Variants in TMEM201 observed in about 807,000 individuals in gnomAD.
The protein encoded by TMEM201 is RP13-15M17.2.
A neutral mutation model predicts 63.4 loss-of-function variants in TMEM201; 26 were observed. The ratio of observed to expected loss-of-function variants is 0.41; its 90% CI spans 0.30 to 0.57. The LOEUF (loss-of-function observed/expected upper bound fraction) is 0.57. Ranked by LOEUF, TMEM201 falls within the 20% of genes least tolerant of loss-of-function variation. TMEM201 has a pLI of 0.29. For missense variants in TMEM201, 794 were observed against 917.7 expected, an observed-to-expected ratio of 0.87 and a Z score of 1.74; for synonymous variants, 417 against 421.6, an observed-to-expected ratio of 0.99 and a Z score of 0.14.
Position 9,607,471 on chromosome 1 carries a change from G to T in TMEM201, c.1161-86G>T, listed in dbSNP as rs917765962. The T allele has an allele frequency of 2.8e-6, 3 of 1,063,440 alleles. No homozygotes were observed. The highest frequency in any genetic ancestry group is 4.1e-6 in the Non-Finnish European group (3 of 739,874). The allele number at this position is 1,063,440 out of a possible 1,614,324, so 65.9% of individuals were successfully genotyped here. On this transcript the variant is annotated intron_variant, in intron 6 of 10. Transcript: ENST00000340381. The surrounding 1 kb of genome is among the most constrained non-coding windows in gnomAD (Gnocchi z 5.4). ...AGCTGAGGCCCCCACCTTGCACTGT[G>T]GGAGAGGGGTGGGACCCACTGCAAG...
At chr1:9,590,468 T>G (rs1284842328) in intron 1 of TMEM201, among the ~76,000 whole-genome samples, 1 of 152,026 alleles carries the variant, frequency 6.6e-6, no homozygotes, top group African/African-American at 2.4e-5. Flanking sequence ...CTCCGTTGTG[T>G]TTATTGAGGC....
intron 5 of TMEM201, 126 bp downstream of exon 5, chr1:9,601,580 T>G: frequency 1.0e-6 from 1 of 960,550 alleles, no homozygotes; most frequent in Non-Finnish European, 1.5e-6. Context: ...ATGTCACTGG[T>G]ACAAGGCTTG....
At position 9,614,634 on chromosome 1, in the gene TMEM201, A is replaced by T. The variant is rs1644366390; in HGVS notation, c.*1551A>T. ...GTGTGTGTGTGTGTCGAGGTTTTTT[A>T]TTTTTTGCTTAATCAAACTCCATTC... On this transcript the variant is annotated 3_prime_UTR_variant, in exon 11 of 11. Transcript: ENST00000340381. 1 of 151,670 alleles carries T rather than the reference A, an allele frequency of 6.6e-6. No individual in the cohort carries two copies. The highest frequency in any genetic ancestry group is 6.6e-5 in the Admixed American group (1 of 15,230). 9.4% of individuals were successfully genotyped at this position (151,670 alleles called of 1,614,324 possible).
rs1644306102 is a variant in TMEM201 at position 9,610,431 on chromosome 1, C to T, written c.1466-75C>T. ...TCCCGGGTTAATAGAAGAATGCCCCCAGAAATGAAATAGCGCATTGTAGCG... is the reference window on the plus strand; with the variant it reads ...TCCCGGGTTAATAGAAGAATGCCCCTAGAAATGAAATAGCGCATTGTAGCG... On this transcript the variant is annotated intron_variant, in intron 8 of 10. Transcript: ENST00000340381. The surrounding 1 kb of genome is among the most constrained non-coding windows in gnomAD (Gnocchi z 4.9). 5.2e-6 allele frequency: 7 copies of T among 1,357,826 alleles called. No homozygotes were observed. Among genetic ancestry groups the T allele is most frequent in the Non-Finnish European group, 6.8e-6 (7 of 1,022,210 alleles). The allele number at this position is 1,357,826 out of a possible 1,614,324, so 84.1% of individuals were successfully genotyped here. A position where few individuals can be genotyped will look rare whatever the true frequency, so the allele number is the denominator to read the frequency against.
rs189463507 is a variant in TMEM201 at position 9,601,757 on chromosome 1, G to C, written c.956+303G>C. Among the ~76,000 whole-genome samples, 18 of 148,880 alleles carry C rather than the reference G, an allele frequency of 1.2e-4. No homozygotes were observed. The East Asian group carries it at 3.1e-3, about 26-fold the overall frequency. On this transcript the variant is annotated intron_variant, in intron 5 of 10. Transcript: ENST00000340381. ...TGCCTCCTGGGTTGTGGGGGCTCAC[G>C]TGGGGGCCTCTGGGGTTCCCTGAGT...
chr1:9,593,280 C>T (rs902921727), intron 1 of TMEM201, among the ~76,000 whole-genome samples: 7 of 152,334 alleles, frequency 4.6e-5, no homozygotes, highest in African/African-American at 1.2e-4. Context: ...TGTCTGACGC[C>T]GCCGTGCTGG....
Position 9,610,822 on chromosome 1 carries a change from A to C in TMEM201, c.1765+17A>C. On this transcript the variant is annotated intron_variant, in intron 9 of 10. Coordinates refer to ENST00000340381, the MANE Select transcript of TMEM201 (RefSeq NM_001130924.3). The surrounding 1 kb of genome is among the most constrained non-coding windows in gnomAD (Gnocchi z 4.9). ...ACGCCCTGGGTACGGCCTTCTGACC[A>C]CCCCAAGGGGCCGTGGGAGGGCCTC... 6.6e-7 allele frequency: 1 copy of C among 1,518,636 alleles called. No individual in the cohort carries two copies. 94.1% of individuals were successfully genotyped at this position (1,518,636 alleles called of 1,614,324 possible).
At chr1:9,602,489 C>T (rs973502948) in intron 6 of TMEM201, 4 of 1,427,052 alleles carry the variant, frequency 2.8e-6, no homozygotes, top group African/African-American at 1.4e-5. Flanking sequence ...CAGCCATCCC[C>T]GAGTGCCCTG....
rs1180576262 is a variant in TMEM201, at chr1:9,608,651, G to A, written c.1393+862G>A. Among the ~76,000 whole-genome samples, 3 of 152,220 alleles carry A rather than the reference G, an allele frequency of 2.0e-5. No homozygotes were observed. The highest frequency in any genetic ancestry group is 4.8e-5 in the African/African-American group (2 of 41,454). ...TGAGCACTCCGAGTAAACTCTGTGC[G>A]CACTGACCAAGGTGGCAGAGCTCAG... On this transcript the variant is annotated intron_variant, in intron 7 of 10. Coordinates refer to ENST00000340381, the MANE Select transcript of TMEM201 (RefSeq NM_001130924.3). This position sits in a 1 kb window ranked among gnomAD's most constrained non-coding sequence, Gnocchi z 4.3.
At chr1:9,592,043 A>C (rs927001348) in intron 1 of TMEM201, among the ~76,000 whole-genome samples, 1 of 152,200 alleles carries the variant, frequency 6.6e-6, no homozygotes, top group African/African-American at 2.4e-5. Flanking sequence ...TTCCGCTCGC[A>C]CCAGGAGCGA....
chr1:9,611,162 C>G, intron 9 of TMEM201: 1 of 855,944 alleles, frequency 1.2e-6, no homozygotes, highest in South Asian at 1.6e-5. Flanking sequence ...CCTTTAAAAC[C>G]TACAACTTTC....
chr1:9,602,728 G>T, intron 6 of TMEM201: 1 of 1,028,528 alleles, frequency 9.7e-7, no homozygotes, highest in Non-Finnish European at 1.2e-6. Context: ...AGTGGCTACA[G>T]GCTGGGCCCC....
rs1332327710 is a variant in TMEM201, at chr1:9,595,932, C to A, written c.156C>A (p.Asn52Lys). The A allele has an allele frequency of 6.2e-7, 1 of 1,613,742 alleles. No individual in the cohort carries two copies. Reference protein sequence around the residue: ...THTMVNCWFCNQDTLVPYGNR... With the variant: ...THTMVNCWFCKQDTLVPYGNR... ...CGATGGTCAACTGCTGGTTCTGCAA[C>A]CAGGATACGCTGGTGCCCTATGGGA... The change falls in exon 2 of 11, where the codon AAC (asparagine) becomes AAA (lysine). Residue 52 changes from asparagine (N) to lysine (K), a missense_variant. By Grantham distance (94) the Asn-to-Lys change is moderately conservative (BLOSUM62 0). Transcript: ENST00000340381.
chr1:9,591,828 C>T (rs1039991138), intron 1 of TMEM201, among the ~76,000 whole-genome samples: 1 of 152,258 alleles, frequency 6.6e-6, no homozygotes, highest in East Asian at 1.9e-4. Context: ...CGCCGCACCC[C>T]GGGCATACGT....
rs763074064 is a variant in TMEM201 at position 9,601,341 on chromosome 1, C to T, written c.843C>T (p.His281=). ...WRQLLGLLPE[H]MAEKLCEAWA... The stretch of plus-strand genomic sequence containing the variant: ...AGTTGCTGGGCCTACTCCCCGAGCA[C>T]ATGGCGGAGAAGCTGTGTGAGGCCT... Residue 281 remains histidine (H), a synonymous_variant, in exon 5 of 11, where the codon CAC becomes CAT. Coordinates refer to ENST00000340381, the MANE Select transcript of TMEM201 (RefSeq NM_001130924.3). 29 of 1,608,230 alleles carry T rather than the reference C, an allele frequency of 1.8e-5. No homozygotes were observed. Among genetic ancestry groups the T allele is most frequent in the African/African-American group, 2.7e-5 (2 of 74,950 alleles).
At chr1:9,598,837 C>T (rs746468277) in intron 4 of TMEM201, among the ~76,000 whole-genome samples, 10 of 151,078 alleles carry the variant, frequency 6.6e-5, no homozygotes, top group South Asian at 2.1e-4. Context: ...TTGGTAGAAA[C>T]GGGGTTTCTC....
chr1:9,596,791 A>G (rs1644028292), intron 2 of TMEM201, 68 bp from the exon 3 acceptor site: 1 of 1,503,454 alleles, frequency 6.7e-7, no homozygotes, highest in Non-Finnish European at 9.0e-7. Context: ...GCGGGCCCCC[A>G]GGGACATCAC....
At position 9,607,700 on chromosome 1, in the gene TMEM201, G is replaced by A. The variant is rs371291793; in HGVS notation, c.1304G>A (p.Arg435Gln). Residue 435 changes from arginine to glutamine, a missense_variant, in exon 7 of 11, where the codon CGG becomes CAG. By Grantham distance (43) the Arg-to-Gln change is conservative. Transcript: ENST00000340381. This position sits in a 1 kb window ranked among gnomAD's most constrained non-coding sequence, Gnocchi z 5.4. ...FLPLANQQLFRSPRRTSPSSL... is the reference protein window; with the variant it reads ...FLPLANQQLFQSPRRTSPSSL... Reference sequence around the variant, plus strand: ...CCCCTCGCCAACCAGCAGCTCTTCCGGTCTCCTCGACGGACCTCACCCTCC... The same window carrying A: ...CCCCTCGCCAACCAGCAGCTCTTCCAGTCTCCTCGACGGACCTCACCCTCC... The A allele has an allele frequency of 3.9e-5, 60 of 1,551,778 alleles. No homozygotes were observed. Among genetic ancestry groups the A allele is most frequent in the African/African-American group, 2.5e-4 (18 of 73,030 alleles).
In TMEM201 at chr1:9,605,943, C is replaced by T. The variant is rs1644234958; in HGVS notation, c.1161-1614C>T. ...CTCTCAGGTCACTGGGGGACCTGGT[C>T]ACCCTTGGCTGACTCTTGGCTATGT... On this transcript the variant is annotated intron_variant, in intron 6 of 10. Coordinates refer to ENST00000340381, the MANE Select transcript of TMEM201 (RefSeq NM_001130924.3). The surrounding 1 kb of genome is among the most constrained non-coding windows in gnomAD (Gnocchi z 5.7). Among the ~76,000 whole-genome samples, 1 of 152,198 alleles carries T rather than the reference C, an allele frequency of 6.6e-6. No homozygotes were observed. The highest frequency in any genetic ancestry group is 1.5e-5 in the Non-Finnish European group (1 of 68,034).
Sources: gnomAD v4.1 joint callset for allele counts (sites outside exome capture counted in the v4.1 genomes callset) on GRCh38, gnomAD v4.1.1 for gene constraint, Gnocchi (gnomAD v3.1) non-coding constraint, MANE v1.5 for transcripts, NCBI Gene and HGNC (gene_info 2026-07-23, HGNC 2026-07-21) for gene names.